Variants in FAT3 observed in about 807,000 individuals in gnomAD.
FAT3 encodes the protein FAT atypical cadherin 3.
A neutral mutation model predicts 310.2 loss-of-function variants in FAT3; 95 were observed. That is an observed-to-expected ratio of 0.31 (90% confidence interval 0.26 to 0.36). The LOEUF (loss-of-function observed/expected upper bound fraction) is 0.36, where lower values mean the gene tolerates loss of function less well. Ranked by LOEUF, FAT3 falls within the 10% of genes least tolerant of loss-of-function variation. The probability of loss-of-function intolerance (pLI) is 1.00; values close to 1 mark genes in which losing one functional copy is unlikely to be tolerated. For synonymous variants in FAT3, 2,314 were observed against 2,192.9 expected (o/e 1.06, Z -1.54); for missense variants, 5,408 against 5,715.6 (o/e 0.95, Z 1.74).
chr11:92,840,024 A>C (rs569536313), intron 17 of FAT3, among the ~76,000 whole-genome samples: 1 of 152,308 alleles, frequency 6.6e-6, no homozygotes, highest in African/African-American at 2.4e-5. Context: ...GTTCTAGAGA[A>C]TTAGGTAAGG....
chr11:92,606,187 A>T (rs1040081992), intron 3 of FAT3, among the ~76,000 whole-genome samples: 7 of 152,186 alleles, frequency 4.6e-5, no homozygotes, highest in African/African-American at 1.7e-4. Flanking sequence ...CAAACTAGAT[A>T]TGCATTTTCT....
At chr11:92,564,096 T>G (rs996782141) in intron 3 of FAT3, among the ~76,000 whole-genome samples, 1 of 152,194 alleles carries the variant, frequency 6.6e-6, no homozygotes, top group Non-Finnish European at 1.5e-5. Flanking sequence ...ACTGGCAAGT[T>G]GGATAAAGAG....
intron 1 of FAT3, among the ~76,000 whole-genome samples, chr11:92,227,727 GCTT>G (rs1863979610): frequency 1.3e-5 from 2 of 150,136 alleles, no homozygotes; most frequent in African/African-American, 4.9e-5. Context: ...AAAGCCAACT[GCTT>G]CTGCTTTTTT....
intron 3 of FAT3, among the ~76,000 whole-genome samples, chr11:92,630,899 T>C (rs1354532361): frequency 6.6e-6 from 1 of 152,200 alleles, no homozygotes; most frequent in Non-Finnish European, 1.5e-5. Context: ...AGGTGATCAA[T>C]AGAGTTAGAT....
intron 4 of FAT3, among the ~76,000 whole-genome samples, chr11:92,721,333 T>G (rs1440497237): frequency 6.6e-6 from 1 of 152,220 alleles, no homozygotes; most frequent in Non-Finnish European, 1.5e-5. Context: ...AAAATTTGAT[T>G]ATCATGGTGT....
chr11:92,864,389 AT>A (rs1949187792), intron 21 of FAT3, among the ~76,000 whole-genome samples: 2 of 152,236 alleles, frequency 1.3e-5, no homozygotes, highest in African/African-American at 4.8e-5. Context: ...ACATTTGATG[AT>A]TTATTACTTA....
intron 4 of FAT3, among the ~76,000 whole-genome samples, chr11:92,747,964 A>C (rs551148124): frequency 6.6e-6 from 1 of 152,210 alleles, no homozygotes; most frequent in Admixed American, 6.5e-5. Context: ...GAGCCCTCCA[A>C]ACTGTTCCAA....
At chr11:92,381,384 A>G (rs890902344) in intron 2 of FAT3, among the ~76,000 whole-genome samples, 2 of 152,092 alleles carry the variant, frequency 1.3e-5, no homozygotes, top group African/African-American at 2.4e-5. Context: ...ATGGTGGCAT[A>G]TACCTGTACT....
At chr11:92,366,883 T>C in intron 2 of FAT3, 2 of 533,940 alleles carry the variant, frequency 3.7e-6, no homozygotes, top group Admixed American at 3.8e-5. Flanking sequence ...TCATTAGAGG[T>C]GGTGGGACAT....
At chr11:92,775,026 G>A (rs890852208) in intron 7 of FAT3, among the ~76,000 whole-genome samples, 3 of 152,070 alleles carry the variant, frequency 2.0e-5, no homozygotes, top group Non-Finnish European at 4.4e-5. Context: ...GCCAGTTATG[G>A]CAGAGAGCTG....
intron 2 of FAT3, among the ~76,000 whole-genome samples, chr11:92,414,993 G>T (rs1431086767): frequency 7.8e-6 from 1 of 128,318 alleles, no homozygotes; most frequent in African/African-American, 3.0e-5. Flanking sequence ...CTGGGCAAGA[G>T]TGCAAGATTT....
At chr11:92,541,833 G>A (rs1204301951) in intron 3 of FAT3, among the ~76,000 whole-genome samples, 1 of 152,052 alleles carries the variant, frequency 6.6e-6, no homozygotes, top group African/African-American at 2.4e-5. Context: ...ATAAATAGGA[G>A]AAATACGGGA....
At chr11:92,473,711 T>A (rs369524154) in intron 2 of FAT3, among the ~76,000 whole-genome samples, 1 of 152,182 alleles carries the variant, frequency 6.6e-6, no homozygotes. Flanking sequence ...CCAATCACCA[T>A]GTACAGAAGA....
chr11:92,868,457 G>A (rs1445221566), intron 22 of FAT3, among the ~76,000 whole-genome samples: 1 of 152,206 alleles, frequency 6.6e-6, no homozygotes, highest in East Asian at 1.9e-4. Context: ...ATTCCCAAAT[G>A]ATGGGCAGTA....
intron 2 of FAT3, among the ~76,000 whole-genome samples, chr11:92,378,667 T>C (rs1470794137): frequency 1.3e-5 from 2 of 152,202 alleles, no homozygotes; most frequent in African/African-American, 4.8e-5. Context: ...CAAAAATACT[T>C]TGGTGTTTGT....
Position 92,382,147 on chromosome 11 carries a change from G to A in FAT3, c.3292+26743G>A, listed in dbSNP as rs1290557939. On this transcript the variant is annotated intron_variant, in intron 2 of 27. Transcript: ENST00000525166. ...AGGAGCTGGATTTTCCTTTGATTCC[G>A]GATTTTAATATCAACTGTCAGTATT... is the stretch of plus-strand genomic sequence containing the variant. Among the ~76,000 whole-genome samples, 7 of 152,110 alleles carry A rather than the reference G, an allele frequency of 4.6e-5. 1 individual carries two copies. In the South Asian group the frequency reaches 6.2e-4, roughly 14 times the overall value.
At chr11:92,844,775 T>A in intron 19 of FAT3, 43 bp downstream of exon 19, 1 of 1,450,894 alleles carries the variant, frequency 6.9e-7, no homozygotes, top group South Asian at 1.4e-5. Flanking sequence ...CCTGAGATTG[T>A]AGGAGTAGAA....
chr11:92,714,850 G>C (rs896640495), intron 4 of FAT3, among the ~76,000 whole-genome samples: 1 of 152,114 alleles, frequency 6.6e-6, no homozygotes, highest in Non-Finnish European at 1.5e-5. Context: ...ATGAATGAAT[G>C]AATGAATGAG....
intron 1 of FAT3, among the ~76,000 whole-genome samples, chr11:92,280,085 T>G (rs1946382917): frequency 6.6e-6 from 1 of 152,166 alleles, no homozygotes; most frequent in South Asian, 2.1e-4. Context: ...TAGGTATCCA[T>G]AGATTACAAC....
Sources: gnomAD v4.1 joint callset for allele counts (sites outside exome capture counted in the v4.1 genomes callset) on GRCh38, gnomAD v4.1.1 for gene constraint, MANE v1.5 for transcripts, NCBI Gene and HGNC (gene_info 2026-07-23, HGNC 2026-07-21) for gene names.